The following MAN2B2 variants were observed in gnomAD, a reference collection of about 807,000 sequenced individuals.
The protein encoded by MAN2B2 is mannosidase alpha class 2B member 2.
MAN2B2 carries 106 observed loss-of-function variants against 117.1 expected under a neutral mutation model. The observed-to-expected ratio is 0.90, with a 90% CI of 0.77 to 1.06. MAN2B2 has a LOEUF of 1.06. Among genes scored for constraint, MAN2B2 ranks in the 50% least tolerant of loss-of-function variants. The pLI, the probability that MAN2B2 is intolerant of heterozygous loss-of-function variation, is 0.00. For synonymous variants in MAN2B2, 544 were observed against 595.1 expected (o/e 0.91, Z 1.25); for missense variants, 1,326 against 1,381.4 (o/e 0.96, Z 0.64).
chr4:6,601,975 C>T (rs550834070), intron 10 of MAN2B2, among the ~76,000 whole-genome samples: 4 of 152,214 alleles, frequency 2.6e-5, no homozygotes, highest in Non-Finnish European at 5.9e-5. Context: ...ATCTACCCAG[C>T]GGACTGATAC....
At chr4:6,588,707 TA>T (rs1726742345) in intron 4 of MAN2B2, among the ~76,000 whole-genome samples, 2 of 151,844 alleles carry the variant, frequency 1.3e-5, no homozygotes, top group South Asian at 4.2e-4. Context: ...TGAGACTCTG[TA>T]AAAAATAAAA....
intron 12 of MAN2B2, 187 bp downstream of exon 12, chr4:6,609,485 C>T (rs1322512419): frequency 1.6e-5 from 11 of 668,006 alleles, no homozygotes; most frequent in South Asian, 3.9e-5. Context: ...TGCTGTGTCA[C>T]GTTGGTTGGG....
chr4:6,576,678 T>C lies in MAN2B2; in HGVS notation c.239T>C (p.Phe80Ser), dbSNP rs1351044366. The change falls in exon 2 of 19, where the codon TTC becomes TCC. Residue 80 changes from phenylalanine (F) to serine (S), a missense_variant. Physicochemically the swap from Phe to Ser is radical, Grantham distance 155. Coordinates refer to ENST00000285599, the MANE Select transcript of MAN2B2 (RefSeq NM_015274.3). ...TTCATCGCTGTGGAGCAGGAGTTTT[T>C]CCGGCTGTGGTGGGATGGCGTCGCC... ...RRFIAVEQEFFRLWWDGVASD... is the reference protein window; with the variant it reads ...RRFIAVEQEFSRLWWDGVASD... 6.2e-7 allele frequency: 1 copy of C among 1,613,882 alleles called. No individual in the cohort carries two copies. The highest frequency in any genetic ancestry group is 1.3e-5 in the African/African-American group (1 of 74,934).
intron 2 of MAN2B2, 25 bp downstream of exon 2, chr4:6,576,749 G>T: frequency 6.2e-7 from 1 of 1,611,608 alleles, no homozygotes; most frequent in East Asian, 2.2e-5. Context: ...AGGTGACACA[G>T]TTGGCCCAGT....
At chr4:6,608,787 C>T (rs1727642835) in intron 11 of MAN2B2, among the ~76,000 whole-genome samples, 1 of 152,196 alleles carries the variant, frequency 6.6e-6, no homozygotes, top group South Asian at 2.1e-4. Flanking sequence ...AAAGCCCGTT[C>T]CTGCACTGGT....
rs1727700449 is a variant in MAN2B2, at chr4:6,609,892, G to A, written c.2101G>A (p.Glu701Lys). ...CGGGGAGCTGCTCTGCCACCGGATA[G>A]AGCAGGAGTACCAAGCCGGCCCCCT... ...HDGELLCHRIEQEYQAGPLEL... is the reference protein window; with the variant it reads ...HDGELLCHRIKQEYQAGPLEL... The change falls in exon 13 of 19, where the codon GAG becomes AAG. Residue 701 changes from glutamate (E) to lysine (K), a missense_variant. Glu to Lys is a moderately conservative substitution (Grantham distance 56). Transcript: ENST00000285599. 2 of 1,614,024 alleles carry A rather than the reference G, an allele frequency of 1.2e-6. No homozygotes were observed. Among genetic ancestry groups the A allele is most frequent in the African/African-American group, 1.3e-5 (1 of 74,932 alleles).
chr4:6,596,161 T>C (rs1303063353), intron 7 of MAN2B2, among the ~76,000 whole-genome samples: 1 of 148,070 alleles, frequency 6.8e-6, no homozygotes, highest in Non-Finnish European at 1.5e-5. Flanking sequence ...GTGGGCGTGG[T>C]ATCCAGGCGG....
At chr4:6,612,099 T>C (rs1347411944) in intron 15 of MAN2B2, among the ~76,000 whole-genome samples, 1 of 152,246 alleles carries the variant, frequency 6.6e-6, no homozygotes, top group South Asian at 2.1e-4. Context: ...TTGATTAGCA[T>C]GTGCTTTTAA....
At chr4:6,605,543 G>T (rs1216027216) in intron 11 of MAN2B2, among the ~76,000 whole-genome samples, 1 of 151,694 alleles carries the variant, frequency 6.6e-6, no homozygotes, top group African/African-American at 2.4e-5. Flanking sequence ...CAGGGCTATT[G>T]ATCCATAGAA....
intron 3 of MAN2B2, among the ~76,000 whole-genome samples, chr4:6,583,265 C>A (rs570626846): frequency 6.6e-6 from 1 of 152,328 alleles, no homozygotes; most frequent in African/African-American, 2.4e-5. Flanking sequence ...TGGCCTCCCT[C>A]AACTGCAGGG....
chr4:6,602,553 C>A (rs1312510383), intron 10 of MAN2B2, among the ~76,000 whole-genome samples: 1 of 152,186 alleles, frequency 6.6e-6, no homozygotes, highest in African/African-American at 2.4e-5. Flanking sequence ...TTTGAGGGGA[C>A]ACAGACATTC....
At chr4:6,604,700 CG>C (rs1483125429) in intron 10 of MAN2B2, among the ~76,000 whole-genome samples, 1 of 151,952 alleles carries the variant, frequency 6.6e-6, no homozygotes, top group African/African-American at 2.4e-5. Context: ...TCGTGGATCT[CG>C]GGTTCCAGAA....
At chr4:6,587,224 T>C in intron 4 of MAN2B2, 56 bp downstream of exon 4, 1 of 1,581,892 alleles carries the variant, frequency 6.3e-7, no homozygotes, top group Middle Eastern at 2.0e-4. Flanking sequence ...CTTCCTTCCT[T>C]GAATCAGAGC....
intron 11 of MAN2B2, among the ~76,000 whole-genome samples, chr4:6,608,734 T>C (rs931440443): frequency 6.6e-6 from 1 of 152,190 alleles, no homozygotes; most frequent in Non-Finnish European, 1.5e-5. Context: ...ATGGGGTCTG[T>C]ACACATGGGT....
chr4:6,598,539 A>C (rs1727201693), intron 9 of MAN2B2, among the ~76,000 whole-genome samples, 185 bp downstream of exon 9: 1 of 152,224 alleles, frequency 6.6e-6, no homozygotes, highest in Non-Finnish European at 1.5e-5. Flanking sequence ...TCATCCGTGC[A>C]ATGAGGAAGG....
At chr4:6,611,322 AC>A in intron 15 of MAN2B2, 44 bp downstream of exon 15, 1 of 1,546,256 alleles carries the variant, frequency 6.5e-7, no homozygotes, top group Non-Finnish European at 8.7e-7. Flanking sequence ...CTGCCTCAGC[AC>A]CAGCCAGGCC....
chr4:6,587,236 C>T lies in MAN2B2; in HGVS notation c.564+68C>T, dbSNP rs540363275. 29 of 1,547,450 alleles carry T rather than the reference C, an allele frequency of 1.9e-5. No individual in the cohort carries two copies. The African/African-American group carries it at 1.9e-4, about 10-fold the overall frequency. ...TCCCTTCCTTCCTTGAATCAGAGCA[C>T]GGTAGAAAGCTGCTGCTCTATGCCG... On this transcript the variant is annotated intron_variant, in intron 4 of 18. Coordinates refer to ENST00000285599, the MANE Select transcript of MAN2B2 (RefSeq NM_015274.3).
intron 17 of MAN2B2, 53 bp downstream of exon 17, chr4:6,617,545 T>C: frequency 6.2e-7 from 1 of 1,602,628 alleles, no homozygotes; most frequent in Non-Finnish European, 8.5e-7. Context: ...AAACCCTAGA[T>C]GAAGCCCCAA....
chr4:6,576,459 A>T, intron 1 of MAN2B2, 119 bp from the exon 2 acceptor site: 1 of 1,185,544 alleles, frequency 8.4e-7, no homozygotes, highest in Non-Finnish European at 1.2e-6. Flanking sequence ...GGGGGTGAGC[A>T]GCAGGGAAGG....
Sources: allele counts gnomAD v4.1 joint callset (sites outside exome capture counted in the v4.1 genomes callset), GRCh38; gene constraint gnomAD v4.1.1; transcripts MANE v1.5; gene names NCBI Gene and HGNC (gene_info 2026-07-23, HGNC 2026-07-21).